Variants in SNX11 observed in about 807,000 individuals in gnomAD.
SNX11 encodes the protein sorting nexin-11.
In SNX11, 19 loss-of-function variants were observed where a neutral mutation model predicts 30.7. The observed-to-expected ratio is 0.62, with a 90% CI of 0.43 to 0.91. SNX11 has a LOEUF of 0.91. SNX11 is among the 40% of genes least tolerant of loss of function. The pLI is 0.00. For synonymous variants in SNX11, 112 were observed against 119.0 expected, an observed-to-expected ratio of 0.94 and a Z score of 0.38; for missense variants, 302 against 326.7, an observed-to-expected ratio of 0.92 and a Z score of 0.58.
rs1423993521 is a variant in SNX11 at position 48,121,580 on chromosome 17, A to AG, written c.*75dup. 6 of 1,530,380 alleles carry AG rather than the reference A, an allele frequency of 3.9e-6. No individual in the cohort carries two copies. Among genetic ancestry groups the AG allele is most frequent in the Non-Finnish European group, 5.3e-6 (6 of 1,123,880 alleles). 94.8% of individuals were successfully genotyped at this position (1,530,380 alleles called of 1,614,324 possible). On this transcript the variant is annotated 3_prime_UTR_variant, in exon 7 of 7. Coordinates refer to ENST00000359238, the MANE Select transcript of SNX11 (RefSeq NM_013323.3). ...GACTTACTCAGGTGGGACTGGGCACAGGGCAGGTATGTGGGAGGCTGGGCT... is the reference window on the plus strand; with the variant it reads ...GACTTACTCAGGTGGGACTGGGCACAGGGGCAGGTATGTGGGAGGCTGGGCT...
intron 4 of SNX11, 125 bp from the exon 5 acceptor site, chr17:48,118,577 CAA>C (rs35405067): frequency 0.027 from 12,621 of 469,020 alleles, no homozygotes; most frequent in South Asian, 0.035. Flanking sequence ...GACTCCATCT[CAA>C]AAAAAAAAAA....
intron 1 of SNX11, among the ~76,000 whole-genome samples, chr17:48,108,344 G>A (rs1233772596): frequency 1.3e-5 from 2 of 152,216 alleles, no homozygotes; most frequent in African/African-American, 4.8e-5. Flanking sequence ...AGAACTGGGA[G>A]CTTCCTCTGT....
In SNX11 at chr17:48,120,507, C is replaced by CTTTT. The variant is rs71141968; in HGVS notation, c.540-711_540-708dup. 1.5e-3 allele frequency among the ~76,000 whole-genome samples: 101 copies of CTTTT among 69,536 alleles called. 7 individuals carry two copies. The highest frequency in any genetic ancestry group is 1.6e-3 in the Admixed American group (7 of 4,302). 45.6% of individuals were successfully genotyped at this position (69,536 alleles called of 152,430 possible). On this transcript the variant is annotated intron_variant, in intron 6 of 6. Coordinates refer to ENST00000359238, the MANE Select transcript of SNX11 (RefSeq NM_013323.3). The stretch of plus-strand genomic sequence containing the variant: ...ACAGGTGTGAGCCATCGCACCTGGC[C>CTTTT]TTTTTTTTTTTTTTTTTTTTGAGAT...
At chr17:48,109,779 C>T (rs12600980) in intron 1 of SNX11, among the ~76,000 whole-genome samples, 134,928 of 151,850 alleles carry the variant, frequency 0.89, 60,013 homozygotes, top group Admixed American at 0.92. Flanking sequence ...AGTTTCATTA[C>T]GTTGGCCAGG....
intron 4 of SNX11, among the ~76,000 whole-genome samples, chr17:48,116,981 C>T (rs1204543025): frequency 6.6e-6 from 1 of 151,500 alleles, no homozygotes; most frequent in Non-Finnish European, 1.5e-5. Context: ...AAGTGATTCT[C>T]CTTCCTCAGC....
At position 48,112,554 on chromosome 17, in the gene SNX11, G is replaced by A; in HGVS notation, c.43-20G>A. ...GCCTTGCTGTGTAGCTGAAGCTGAG[G>A]GAGCTTTTCTTACCTACAGGAGGTG... On this transcript the variant is annotated intron_variant, in intron 2 of 6. Transcript: ENST00000359238. 6.4e-7 allele frequency: 1 copy of A among 1,569,002 alleles called. No homozygotes were observed. Among genetic ancestry groups the A allele is most frequent in the Non-Finnish European group, 8.8e-7 (1 of 1,142,058 alleles).
intron 6 of SNX11, among the ~76,000 whole-genome samples, chr17:48,120,568 G>T (rs1201378060): frequency 7.3e-6 from 1 of 137,312 alleles, no homozygotes; most frequent in African/African-American, 2.8e-5. Context: ...GGAGTGCAGT[G>T]GCACGATTCA....
intron 4 of SNX11, among the ~76,000 whole-genome samples, chr17:48,114,303 G>A (rs942197796): frequency 6.7e-5 from 10 of 149,020 alleles, no homozygotes; most frequent in Non-Finnish European, 1.2e-4. Context: ...ACAGGCATGC[G>A]CCACCACTCC....
At chr17:48,114,684 C>CTTTTTT (rs35097487) in intron 4 of SNX11, among the ~76,000 whole-genome samples, 1 of 112,888 alleles carries the variant, frequency 8.9e-6, no homozygotes, top group East Asian at 2.6e-4. Context: ...GTTTTTTTTG[C>CTTTTTT]TTTTTTTTTT....
chr17:48,111,113 A>G, intron 1 of SNX11: 1 of 985,444 alleles, frequency 1.0e-6, no homozygotes, highest in Non-Finnish European at 1.2e-6. Context: ...ACCGGATGGC[A>G]TGTCAGGAGA....
At chr17:48,118,876 C>T in intron 5 of SNX11, 77 bp downstream of exon 5, 1 of 1,552,688 alleles carries the variant, frequency 6.4e-7, no homozygotes, top group Non-Finnish European at 8.9e-7. Context: ...CAGGATGGAG[C>T]TCCCTGCTCA....
At chr17:48,108,152 G>A (rs2063455650) in intron 1 of SNX11, among the ~76,000 whole-genome samples, 1 of 152,134 alleles carries the variant, frequency 6.6e-6, no homozygotes, top group African/African-American at 2.4e-5. Flanking sequence ...AAAAGACTCT[G>A]GGGACATTTA....
chr17:48,118,932 T>C, intron 5 of SNX11, 42 bp from the exon 6 acceptor site: 1 of 1,596,504 alleles, frequency 6.3e-7, no homozygotes, highest in Non-Finnish European at 8.6e-7. Context: ...GAGCAGTTCC[T>C]CAGGGTGATG....
chr17:48,117,889 C>T (rs927935276), intron 4 of SNX11, among the ~76,000 whole-genome samples: 4 of 152,040 alleles, frequency 2.6e-5, no homozygotes, highest in African/African-American at 7.2e-5. Context: ...TGGCACGTAC[C>T]GGTAGTCATA....
chr17:48,109,726 T>C (rs931493800), intron 1 of SNX11, among the ~76,000 whole-genome samples: 1 of 151,964 alleles, frequency 6.6e-6, no homozygotes. Context: ...TACAGGCGCC[T>C]GCCACCACGC....
chr17:48,122,636 A>T lies in SNX11; in HGVS notation c.*1128A>T, dbSNP rs896349492. On this transcript the variant is annotated 3_prime_UTR_variant, in exon 7 of 7. Coordinates refer to ENST00000359238, the MANE Select transcript of SNX11 (RefSeq NM_013323.3). ...TCGCCCACTCCTCCCTCCTCTGGCT[A>T]TCCTACCCTGTCTGTGGGCTCTTTT... 3.9e-5 allele frequency: 6 copies of T among 152,196 alleles called. No individual in the cohort carries two copies. Among genetic ancestry groups the T allele is most frequent in the African/African-American group, 9.7e-5 (4 of 41,388 alleles). The allele number at this position is 152,196 out of a possible 1,614,324, so 9.4% of individuals were successfully genotyped here.
chr17:48,115,646 AGAGACATAT>A (rs1228987227), intron 4 of SNX11, among the ~76,000 whole-genome samples: 1 of 152,136 alleles, frequency 6.6e-6, no homozygotes, highest in Non-Finnish European at 1.5e-5. Context: ...GTCCTTTTCC[AGAGACATAT>A]GAGAGCCTAG....
intron 6 of SNX11, among the ~76,000 whole-genome samples, chr17:48,120,943 C>A (rs983583487): frequency 6.7e-6 from 1 of 149,992 alleles, no homozygotes; most frequent in Admixed American, 6.7e-5. Flanking sequence ...TGAGTCAGAA[C>A]AGGCTCAGAG....
Position 48,118,771 on chromosome 17 carries a change from C to A in SNX11, c.298C>A (p.Arg100=), listed in dbSNP as rs780438947. 1 of 1,614,022 alleles carries A rather than the reference C, an allele frequency of 6.2e-7. No homozygotes were observed. Among genetic ancestry groups the A allele is most frequent in the African/African-American group, 1.3e-5 (1 of 75,024 alleles). The stretch of plus-strand genomic sequence containing the variant: ...CTCAGATGAGTTCATTGAGAAGCGA[C>A]GACAAGGTCTGCAGCACTTCCTTGA... ...GTSDEFIEKR[R]QGLQHFLEKV... is the part of the protein sequence containing the mutation. Residue 100 remains arginine (R), a synonymous_variant, in exon 5 of 7, where the codon CGA becomes AGA. Coordinates refer to ENST00000359238, the MANE Select transcript of SNX11 (RefSeq NM_013323.3).
Sources: gnomAD v4.1 joint callset for allele counts (sites outside exome capture counted in the v4.1 genomes callset) on GRCh38, gnomAD v4.1.1 for gene constraint, MANE v1.5 for transcripts, NCBI Gene and HGNC (gene_info 2026-07-23, HGNC 2026-07-21) for gene names.